Variants in GABRG3 observed in about 807,000 individuals in gnomAD.
The protein encoded by GABRG3 is gamma-aminobutyric acid receptor subunit gamma-3.
In GABRG3, 25 loss-of-function variants were observed where a neutral mutation model predicts 48.8. That is an observed-to-expected ratio of 0.51 (90% confidence interval 0.37 to 0.72). The LOEUF (loss-of-function observed/expected upper bound fraction) is 0.72. Among genes scored for constraint, GABRG3 ranks in the 30% least tolerant of loss-of-function variants. The pLI, the probability that GABRG3 is intolerant of heterozygous loss-of-function variation, is 0.00. For synonymous variants in GABRG3, 227 were observed against 217.6 expected (o/e 1.04, Z -0.38); for missense variants, 394 against 577.9 (o/e 0.68, Z 3.26).
intron 5 of GABRG3, among the ~76,000 whole-genome samples, chr15:27,386,439 C>G (rs939374043): frequency 6.6e-6 from 1 of 152,012 alleles, no homozygotes; most frequent in Non-Finnish European, 1.5e-5. Flanking sequence ...TCAGCTTTTT[C>G]TTACTTTCCC....
intron 5 of GABRG3, among the ~76,000 whole-genome samples, chr15:27,458,012 G>A (rs1889334510): frequency 6.6e-6 from 1 of 152,160 alleles, no homozygotes; most frequent in Non-Finnish European, 1.5e-5. Context: ...CTTGGACGGT[G>A]CAGGAACTAT....
intron 3 of GABRG3, among the ~76,000 whole-genome samples, chr15:27,321,746 C>G (rs751918721): frequency 6.6e-6 from 1 of 152,220 alleles, no homozygotes; most frequent in East Asian, 1.9e-4. Context: ...CCATCCTGCT[C>G]TAATCTCCTT....
At chr15:27,019,055 C>CTTTT (rs9331868) in intron 2 of GABRG3, among the ~76,000 whole-genome samples, 10 of 42,032 alleles carry the variant, frequency 2.4e-4, no homozygotes, top group African/African-American at 6.3e-4. Context: ...TCCCTAGAGT[C>CTTTT]TTTTTTTTTT....
At chr15:27,381,685 G>A (rs1439792954) in intron 5 of GABRG3, among the ~76,000 whole-genome samples, 2 of 152,220 alleles carry the variant, frequency 1.3e-5, no homozygotes, top group Non-Finnish European at 2.9e-5. Flanking sequence ...ATTTTTCAAT[G>A]AGAATAAGAG....
rs111847811 is a variant in GABRG3, at chr15:27,083,419, G to T, written c.270+56598G>T. Among the ~76,000 whole-genome samples, 552 of 147,388 alleles carry T rather than the reference G, an allele frequency of 3.7e-3. 2 individuals carry two copies. Among genetic ancestry groups the T allele is most frequent in the Middle Eastern group, 0.01 (3 of 286 alleles). On this transcript the variant is annotated intron_variant, in intron 3 of 9. Coordinates refer to ENST00000615808, the MANE Select transcript of GABRG3 (RefSeq NM_033223.5). ...GCAATCTCTGTTCACTGCAACCTCC[G>T]CCACCCGGATTCAAGCGATTCTCCT...
intron 3 of GABRG3, chr15:27,280,438 C>A (rs1891397848): frequency 6.6e-6 from 1 of 152,126 alleles, no homozygotes; most frequent in African/African-American, 2.4e-5. Context: ...GCCATAGAAT[C>A]TTGTTTTTTA....
intron 3 of GABRG3, among the ~76,000 whole-genome samples, chr15:27,088,444 A>C (rs1897125061): frequency 6.6e-6 from 1 of 152,132 alleles, no homozygotes; most frequent in South Asian, 2.1e-4. Flanking sequence ...ACTCTGGCCA[A>C]CTGGGGAGGC....
intron 3 of GABRG3, among the ~76,000 whole-genome samples, chr15:27,149,021 ATG>A (rs1435716787): frequency 2.0e-5 from 3 of 152,082 alleles, no homozygotes; most frequent in Admixed American, 6.5e-5. Context: ...AATAATTAAA[ATG>A]ATAAAAGTCG....
chr15:27,059,309 G>A (rs779989743), intron 3 of GABRG3, among the ~76,000 whole-genome samples: 1 of 152,214 alleles, frequency 6.6e-6, no homozygotes, highest in African/African-American at 2.4e-5. Flanking sequence ...GTTTGGAAGC[G>A]GGGTTCCCAT....
intron 3 of GABRG3, among the ~76,000 whole-genome samples, chr15:27,278,770 A>C (rs1441007892): frequency 1.3e-5 from 2 of 152,208 alleles, no homozygotes; most frequent in East Asian, 3.9e-4. Context: ...TTGTATGGGC[A>C]TAAGTTTTCA....
chr15:27,307,550 T>A (rs1319453078), intron 3 of GABRG3, among the ~76,000 whole-genome samples: 1 of 92,118 alleles, frequency 1.1e-5, no homozygotes, highest in African/African-American at 3.8e-5. Flanking sequence ...TAAACATAGG[T>A]TTATAGGTTT....
At chr15:27,343,184 G>A (rs1370394161) in intron 5 of GABRG3, among the ~76,000 whole-genome samples, 1 of 152,140 alleles carries the variant, frequency 6.6e-6, no homozygotes, top group African/African-American at 2.4e-5. Context: ...GGGAGGAAGG[G>A]GGACTGGGAG....
At chr15:27,350,243 A>T (rs940219091) in intron 5 of GABRG3, 31 of 454,558 alleles carry the variant, frequency 6.8e-5, no homozygotes, top group Middle Eastern at 3.2e-4. Flanking sequence ...TCGTGGGGAA[A>T]TGAAGGCTCA....
At chr15:27,482,352 G>A (rs1381950237) in intron 6 of GABRG3, among the ~76,000 whole-genome samples, 4 of 152,190 alleles carry the variant, frequency 2.6e-5, no homozygotes, top group African/African-American at 7.2e-5. Context: ...GAGAAGTCAC[G>A]CCCTGCCTGC....
At chr15:27,054,320 A>G (rs1896504910) in intron 3 of GABRG3, among the ~76,000 whole-genome samples, 1 of 152,134 alleles carries the variant, frequency 6.6e-6, no homozygotes, top group South Asian at 2.1e-4. Flanking sequence ...TTCTGTGCTC[A>G]CTACCTGGGA....
chr15:27,027,522 T>G (rs1896006639), intron 3 of GABRG3, among the ~76,000 whole-genome samples: 1 of 152,218 alleles, frequency 6.6e-6, no homozygotes, highest in African/African-American at 2.4e-5. Flanking sequence ...ATTGCCAAAA[T>G]GCTGACTTAA....
intron 3 of GABRG3, among the ~76,000 whole-genome samples, chr15:27,100,834 C>T (rs1363112860): frequency 6.6e-6 from 1 of 152,178 alleles, no homozygotes. Context: ...CAGCTTGATA[C>T]TAAGCATCTA....
rs535891202 is a variant in GABRG3 at position 27,104,554 on chromosome 15, G to A, written c.270+77733G>A. Reference sequence around the variant, plus strand: ...ACTGATATATGGTATGTCTAGTGACGTGCTGTGCATTTGTTCCACAGACAC... The same window carrying A: ...ACTGATATATGGTATGTCTAGTGACATGCTGTGCATTTGTTCCACAGACAC... On this transcript the variant is annotated intron_variant, in intron 3 of 9. Coordinates refer to ENST00000615808, the MANE Select transcript of GABRG3 (RefSeq NM_033223.5). Among the ~76,000 whole-genome samples, 16 of 152,338 alleles carry A rather than the reference G, an allele frequency of 1.1e-4. No individual in the cohort carries two copies. In the South Asian group the frequency reaches 1.4e-3, roughly 14 times the overall value.
At chr15:27,473,772 A>G (rs1889856319) in intron 5 of GABRG3, among the ~76,000 whole-genome samples, 1 of 152,200 alleles carries the variant, frequency 6.6e-6, no homozygotes, top group Non-Finnish European at 1.5e-5. Flanking sequence ...ATTACACTCA[A>G]ACTGATAATT....
Sources: allele counts gnomAD v4.1 joint callset (sites outside exome capture counted in the v4.1 genomes callset), GRCh38; gene constraint gnomAD v4.1.1; transcripts MANE v1.5; gene names NCBI Gene and HGNC (gene_info 2026-07-23, HGNC 2026-07-21).